The following OR2M2 variants were observed in gnomAD, a reference collection of about 807,000 sequenced individuals.
OR2M2 encodes olfactory receptor family 2 subfamily M member 2, also known as olfactory receptor 2M2.
For synonymous variants in OR2M2, 168 were observed against 151.7 expected (o/e 1.11, Z -0.79); for missense variants, 467 against 429.9 (o/e 1.09, Z -0.76).
chr1:248,180,670 G>C lies in OR2M2; in HGVS notation c.685G>C (p.Gly229Arg). The C allele has an allele frequency of 6.2e-7, 1 of 1,612,374 alleles. No homozygotes were observed. The highest frequency in any genetic ancestry group is 8.5e-7 in the Non-Finnish European group (1 of 1,179,852). The change falls in exon 2 of 2, where the codon GGA becomes CGA. Residue 229 changes from glycine (G) to arginine (R), a missense_variant. Transcript: ENST00000641836. The part of the protein sequence containing the change: ...ARVILAVIHM[G>R]SGEGRCKAFT... Reference sequence around the variant, plus strand: ...AGTTATTCTGGCTGTCATTCACATGGGATCTGGAGAGGGTCGTTGCAAAGC... The same window carrying C: ...AGTTATTCTGGCTGTCATTCACATGCGATCTGGAGAGGGTCGTTGCAAAGC...
chr1:248,175,225 A>G (rs1040433362), intron 1 of OR2M2, among the ~76,000 whole-genome samples: 2 of 152,144 alleles, frequency 1.3e-5, no homozygotes, highest in Non-Finnish European at 2.9e-5. Context: ...TTTTTACCAC[A>G]TTCTCTTTTG....
intron 1 of OR2M2, among the ~76,000 whole-genome samples, chr1:248,178,989 A>G (rs1255962645): frequency 6.6e-6 from 1 of 152,218 alleles, no homozygotes; most frequent in Non-Finnish European, 1.5e-5. Flanking sequence ...TTACCTTGAA[A>G]CAACATAAAT....
At position 248,180,760 on chromosome 1, in the gene OR2M2, T is replaced by C. The variant is rs1271101884; in HGVS notation, c.775T>C (p.Tyr259His). The C allele has an allele frequency of 2.5e-6, 4 of 1,613,886 alleles. No homozygotes were observed. The highest frequency in any genetic ancestry group is 3.4e-6 in the Non-Finnish European group (4 of 1,179,850). ...GTACTATGGAGCAGCTTTGTTCATG[T>C]ACATACGGCCCACATCTGATCACTC... ...GMYYGAALFM[Y>H]IRPTSDHSPT... is the part of the protein sequence containing the mutation. Residue 259 changes from tyrosine to histidine, a missense_variant, in exon 2 of 2, where the codon TAC becomes CAC. Coordinates refer to ENST00000641836, the MANE Select transcript of OR2M2 (RefSeq NM_001004688.2).
At chr1:248,179,215 C>T (rs530005399) in intron 1 of OR2M2, among the ~76,000 whole-genome samples, 3 of 152,264 alleles carry the variant, frequency 2.0e-5, no homozygotes, top group African/African-American at 4.8e-5. Context: ...CTTCACATGG[C>T]CACTGTCTTA....
rs902527884 is a variant in OR2M2 at position 248,174,825 on chromosome 1, C to T, written c.-65C>T. The T allele has an allele frequency of 2.0e-5, 3 of 152,016 alleles. No homozygotes were observed. The highest frequency in any genetic ancestry group is 2.9e-5 in the Non-Finnish European group (2 of 67,994). The allele number at this position is 152,016 out of a possible 1,614,324, so 9.4% of individuals were successfully genotyped here. The stretch of plus-strand genomic sequence containing the variant: ...TTATAGATTTTTGCCTTTCCAGGAA[C>T]CTAAAATCACATTGAAAATACACAC... On this transcript the variant is annotated 5_prime_UTR_variant, in exon 1 of 2. Transcript: ENST00000641836.
At position 248,180,088 on chromosome 1, in the gene OR2M2, T is replaced by A. The variant is rs754995992; in HGVS notation, c.103T>A (p.Phe35Ile). ...TFLFFLVLGI[F>I]LVAFMGNSVM... ...CCTCTTCTTTCTGGTCCTGGGCATCTTTTTAGTGGCCTTCATGGGAAACTC... is the reference window on the plus strand; with the variant it reads ...CCTCTTCTTTCTGGTCCTGGGCATCATTTTAGTGGCCTTCATGGGAAACTC... The change falls in exon 2 of 2, where the codon TTT (phenylalanine) becomes ATT (isoleucine). Residue 35 changes from phenylalanine (F) to isoleucine (I), a missense_variant. Coordinates refer to ENST00000641836, the MANE Select transcript of OR2M2 (RefSeq NM_001004688.2). 1.1e-5 allele frequency: 17 copies of A among 1,613,886 alleles called. No homozygotes were observed. The highest frequency in any genetic ancestry group is 1.6e-4 in the Middle Eastern group (1 of 6,084).
Position 248,180,516 on chromosome 1 carries a change from C to G in OR2M2, c.531C>G (p.Phe177Leu), listed in dbSNP as rs1468094947. 1.2e-6 allele frequency: 2 copies of G among 1,613,780 alleles called. No homozygotes were observed. Among genetic ancestry groups the G allele is most frequent in the Non-Finnish European group, 1.7e-6 (2 of 1,179,854 alleles). Residue 177 changes from phenylalanine to leucine, a missense_variant, in exon 2 of 2, where the codon TTC becomes TTG. By Grantham distance (22) the Phe-to-Leu change is conservative (BLOSUM62 0). Coordinates refer to ENST00000641836, the MANE Select transcript of OR2M2 (RefSeq NM_001004688.2). ...GTGGGTCTCGGGAAATAGCCCACTTCTTCTGTGAATTCCCTTCCCTACTAA... is the reference window on the plus strand; with the variant it reads ...GTGGGTCTCGGGAAATAGCCCACTTGTTCTGTGAATTCCCTTCCCTACTAA... ...SFCGSREIAHFFCEFPSLLIL... is the reference protein window; with the variant it reads ...SFCGSREIAHLFCEFPSLLIL...
chr1:248,176,420 G>A (rs1665857241), intron 1 of OR2M2, among the ~76,000 whole-genome samples: 1 of 152,014 alleles, frequency 6.6e-6, no homozygotes, highest in South Asian at 2.1e-4. Context: ...AAAAGAAACA[G>A]TGTGAATTCA....
In OR2M2 at chr1:248,180,325, C is replaced by G. The variant is rs1267205674; in HGVS notation, c.340C>G (p.Leu114Val). The change falls in exon 2 of 2, where the codon CTT (leucine) becomes GTT (valine). Residue 114 changes from leucine (L) to valine (V), a missense_variant. Physicochemically the swap from Leu to Val is conservative, Grantham distance 32. Transcript: ENST00000641836. Reference protein sequence around the residue: ...YISLSGSECFLLAVMAYDRYI... With the variant: ...YISLSGSECFVLAVMAYDRYI... Reference sequence around the variant, plus strand: ...ATCACTGTCTGGCTCTGAATGTTTTCTTTTGGCTGTTATGGCTTATGACCG... The same window carrying G: ...ATCACTGTCTGGCTCTGAATGTTTTGTTTTGGCTGTTATGGCTTATGACCG... The G allele has an allele frequency of 4.3e-6, 7 of 1,614,146 alleles. No individual in the cohort carries two copies. The South Asian group carries it at 7.7e-5, about 18-fold the overall frequency.
At position 248,177,455 on chromosome 1, in the gene OR2M2, A is replaced by G. The variant is rs371305444; in HGVS notation, c.-18-2513A>G. ...TGGAGTAATACTGCAGACTGACCTA[A>G]GGAAAAATTATGGTGGAAATTTAAG... On this transcript the variant is annotated intron_variant, in intron 1 of 1. Coordinates refer to ENST00000641836, the MANE Select transcript of OR2M2 (RefSeq NM_001004688.2). Among the ~76,000 whole-genome samples, 37 of 152,230 alleles carry G rather than the reference A, an allele frequency of 2.4e-4. 1 individual carries two copies. In the East Asian group the frequency reaches 5.4e-3, roughly 22 times the overall value.
rs751586549 is a variant in OR2M2, at chr1:248,180,790, A to G, written c.805A>G (p.Thr269Ala). The change falls in exon 2 of 2, where the codon ACG becomes GCG. Residue 269 changes from threonine (T) to alanine (A), a missense_variant. Transcript: ENST00000641836. ...YIRPTSDHSP[T>A]QDKMVSVFYT... ...ACGGCCCACATCTGATCACTCCCCA[A>G]CGCAGGACAAGATGGTGTCTGTATT... The G allele has an allele frequency of 2.5e-6, 4 of 1,613,600 alleles. No homozygotes were observed. Among genetic ancestry groups the G allele is most frequent in the African/African-American group, 1.3e-5 (1 of 74,818 alleles).
intron 1 of OR2M2, chr1:248,177,876 C>G (rs1344892291): frequency 3.3e-5 from 5 of 152,108 alleles, no homozygotes; most frequent in Non-Finnish European, 7.4e-5. Flanking sequence ...ACCTGTTTCT[C>G]TCTTCATGCT....
At chr1:248,175,223 A>G (rs935327932) in intron 1 of OR2M2, among the ~76,000 whole-genome samples, 2 of 152,112 alleles carry the variant, frequency 1.3e-5, no homozygotes, top group Non-Finnish European at 2.9e-5. Flanking sequence ...CATTTTTACC[A>G]CATTCTCTTT....
rs1665926487 is a variant in OR2M2, at chr1:248,180,885, A to G, written c.900A>G (p.Ala300=). ...YSLRNKEVTR[A]FMKILGKGKS... is the part of the protein sequence containing the mutation. ...TCCGCAACAAGGAGGTGACTAGAGC[A>G]TTCATGAAGATCTTAGGAAAGGGCA... The change falls in exon 2 of 2, where the codon GCA becomes GCG. Residue 300 remains alanine (A), a synonymous_variant. Coordinates refer to ENST00000641836, the MANE Select transcript of OR2M2 (RefSeq NM_001004688.2). 6.2e-7 allele frequency: 1 copy of G among 1,614,114 alleles called. No homozygotes were observed. The highest frequency in any genetic ancestry group is 1.7e-5 in the Admixed American group (1 of 60,016).
rs368462994 is a variant in OR2M2 at position 248,180,767 on chromosome 1, G to T, written c.782G>T (p.Arg261Leu). ...YYGAALFMYI[R>L]PTSDHSPTQD... The stretch of plus-strand genomic sequence containing the variant: ...GGAGCAGCTTTGTTCATGTACATAC[G>T]GCCCACATCTGATCACTCCCCAACG... The change falls in exon 2 of 2, where the codon CGG becomes CTG. Residue 261 changes from arginine (R) to leucine (L), a missense_variant. Arg to Leu is a moderately radical substitution (Grantham distance 102). Coordinates refer to ENST00000641836, the MANE Select transcript of OR2M2 (RefSeq NM_001004688.2). The T allele has an allele frequency of 5.9e-5, 95 of 1,613,498 alleles. No individual in the cohort carries two copies. The highest frequency in any genetic ancestry group is 7.5e-5 in the Non-Finnish European group (88 of 1,179,822).
chr1:248,177,339 T>C (rs1665867296), intron 1 of OR2M2, among the ~76,000 whole-genome samples: 1 of 152,114 alleles, frequency 6.6e-6, no homozygotes, highest in Non-Finnish European at 1.5e-5. Flanking sequence ...ATTTAGTGAC[T>C]GGGAAGGAAT....
In OR2M2 at chr1:248,180,870, G is replaced by A. The variant is rs1665926131; in HGVS notation, c.885G>A (p.Lys295=). The change falls in exon 2 of 2, where the codon AAG becomes AAA. Residue 295 remains lysine (K), a synonymous_variant. Coordinates refer to ENST00000641836, the MANE Select transcript of OR2M2 (RefSeq NM_001004688.2). ...LNPLIYSLRN[K]EVTRAFMKIL... ...CCCTCATCTACAGCCTCCGCAACAA[G>A]GAGGTGACTAGAGCATTCATGAAGA... The A allele has an allele frequency of 6.2e-7, 1 of 1,614,058 alleles. No individual in the cohort carries two copies. Among genetic ancestry groups the A allele is most frequent in the Non-Finnish European group, 8.5e-7 (1 of 1,179,988 alleles).
chr1:248,176,225 T>C (rs1419001094), intron 1 of OR2M2, among the ~76,000 whole-genome samples: 2 of 152,104 alleles, frequency 1.3e-5, no homozygotes, highest in Admixed American at 1.3e-4. Flanking sequence ...ACTCAGTGAC[T>C]TCTCAATTTC....
chr1:248,180,531 T>C lies in OR2M2; in HGVS notation c.546T>C (p.Pro182=), dbSNP rs757270974. 23 of 1,613,820 alleles carry C rather than the reference T, an allele frequency of 1.4e-5. No homozygotes were observed. In the African/African-American group the frequency reaches 2.3e-4, roughly 16 times the overall value. ...TAGCCCACTTCTTCTGTGAATTCCC[T>C]TCCCTACTAATCCTCTCATGCAATG... ...REIAHFFCEF[P]SLLILSCNDT... Residue 182 remains proline, a synonymous_variant, in exon 2 of 2, where the codon CCT becomes CCC. Coordinates refer to ENST00000641836, the MANE Select transcript of OR2M2 (RefSeq NM_001004688.2).
Sources: gnomAD v4.1 joint callset for allele counts (sites outside exome capture counted in the v4.1 genomes callset) on GRCh38, gnomAD v4.1.1 for gene constraint, MANE v1.5 for transcripts, NCBI Gene and HGNC (gene_info 2026-07-23, HGNC 2026-07-21) for gene names.